ZNF385C: variants seen among roughly 807,000 people sequenced by gnomAD.
ZNF385C encodes zinc finger protein 385C.
Under a neutral mutation model 35.4 loss-of-function variants are expected in ZNF385C, and 28 were observed. The observed-to-expected ratio is 0.79, with a 90% CI of 0.59 to 1.08. The LOEUF is 1.08. ZNF385C is among the 50% of genes least tolerant of loss of function. The pLI is 0.00. For synonymous variants in ZNF385C, 248 were observed against 248.2 expected (o/e 1.00, Z 0.01); for missense variants, 605 against 595.6 (o/e 1.02, Z -0.16).
chr17:42,058,336 C>T (rs1320109301), intron 2 of ZNF385C, among the ~76,000 whole-genome samples: 5 of 152,206 alleles, frequency 3.3e-5, no homozygotes, highest in East Asian at 1.9e-4. Context: ...CGGAAAAGTG[C>T]CCCTCCTGGC....
intron 1 of ZNF385C, among the ~76,000 whole-genome samples, chr17:42,086,563 A>G (rs1555660156): frequency 6.6e-6 from 1 of 151,604 alleles, no homozygotes; most frequent in South Asian, 2.1e-4. Flanking sequence ...TTAGCCAGCC[A>G]TGGTGGCGTG....
intron 2 of ZNF385C, among the ~76,000 whole-genome samples, chr17:42,051,211 T>C (rs1460923979): frequency 6.6e-6 from 1 of 151,796 alleles, no homozygotes; most frequent in African/African-American, 2.4e-5. Flanking sequence ...CCTTCCCACC[T>C]GGTGGGAAGC....
At chr17:42,077,041 C>T (rs1386739906) in intron 1 of ZNF385C, among the ~76,000 whole-genome samples, 1 of 152,192 alleles carries the variant, frequency 6.6e-6, no homozygotes, top group Non-Finnish European at 1.5e-5. Context: ...ACTGGCCAGT[C>T]TTATCCACTG....
intron 1 of ZNF385C, among the ~76,000 whole-genome samples, chr17:42,068,526 TG>T (rs553976882): frequency 2.0e-5 from 3 of 152,116 alleles, no homozygotes; most frequent in African/African-American, 7.2e-5. Context: ...TTTTCTTTTT[TG>T]GGGGGGATAG....
At chr17:42,091,670 G>T (rs2053864353) in intron 1 of ZNF385C, among the ~76,000 whole-genome samples, 1 of 152,070 alleles carries the variant, frequency 6.6e-6, no homozygotes, top group Non-Finnish European at 1.5e-5. Context: ...ACCTCATCTT[G>T]CAGACCCAGA....
intron 1 of ZNF385C, among the ~76,000 whole-genome samples, chr17:42,072,184 T>G (rs2053634324): frequency 1.3e-5 from 2 of 152,112 alleles, no homozygotes; most frequent in Admixed American, 1.3e-4. Flanking sequence ...GATCAACTTT[T>G]GGATTCTCTA....
chr17:42,077,690 C>T (rs1301860028), intron 1 of ZNF385C, among the ~76,000 whole-genome samples: 1 of 152,206 alleles, frequency 6.6e-6, no homozygotes, highest in Non-Finnish European at 1.5e-5. Context: ...AGCTTCCCTG[C>T]TCGGCCCACA....
intron 3 of ZNF385C, among the ~76,000 whole-genome samples, chr17:42,036,956 A>T (rs1055956149): frequency 4.6e-5 from 7 of 152,230 alleles, no homozygotes; most frequent in Non-Finnish European, 1.0e-4. Context: ...ATTTAAAAAA[A>T]CAGAGATGGT....
At chr17:42,034,562 C>T (rs1335070454) in intron 3 of ZNF385C, among the ~76,000 whole-genome samples, 1 of 151,850 alleles carries the variant, frequency 6.6e-6, no homozygotes, top group East Asian at 1.9e-4. Flanking sequence ...GGCAGATCAC[C>T]TCAGGTTGGG....
rs1555658129 is a variant in ZNF385C at position 42,062,954 on chromosome 17, G to A, written c.103C>T (p.Arg35Ter). 8.6e-6 allele frequency: 6 copies of A among 694,434 alleles called. No individual in the cohort carries two copies. Among genetic ancestry groups the A allele is most frequent in the Admixed American group, 2.0e-5 (1 of 48,922 alleles). 43.0% of individuals were successfully genotyped at this position (694,434 alleles called of 1,614,324 possible). Residue 35 changes from arginine (R) to a stop codon, truncating the protein, a stop_gained, in exon 2 of 9, where the codon CGA becomes TGA. Transcript: ENST00000692273. LOFTEE classifies it high-confidence loss of function. ...GTGTACGATGGCCGCTTTCTTTCTC[G>A]CTTGGGCTTAGGTGGTTCTGGGGGC... ...PRPPEPPKPK[R>*]ERKRPSYTLC...
chr17:42,063,452 C>T (rs920182173), intron 1 of ZNF385C, among the ~76,000 whole-genome samples: 39 of 152,134 alleles, frequency 2.6e-4, no homozygotes, highest in Middle Eastern at 3.2e-3. Context: ...CACTTGAACC[C>T]GGGAGGCGGA....
chr17:42,097,010 C>A (rs1389877944), intron 1 of ZNF385C, among the ~76,000 whole-genome samples: 4 of 151,896 alleles, frequency 2.6e-5, no homozygotes, highest in Non-Finnish European at 4.4e-5. Context: ...CCACTCCCCC[C>A]TCCCCTGCTC....
intron 5 of ZNF385C, among the ~76,000 whole-genome samples, chr17:42,029,731 C>CA (rs1301438790): frequency 3.2e-4 from 48 of 150,128 alleles, no homozygotes; most frequent in African/African-American, 9.8e-4. Context: ...AACAAACAAA[C>CA]AAAAAAAACA....
chr17:42,029,949 G>A (rs1385671831), intron 5 of ZNF385C, among the ~76,000 whole-genome samples: 3 of 150,438 alleles, frequency 2.0e-5, no homozygotes, highest in Non-Finnish European at 4.4e-5. Flanking sequence ...CAGGAGAATC[G>A]CTTGAGAGCC....
At chr17:42,082,748 CATA>C (rs573865522) in intron 1 of ZNF385C, among the ~76,000 whole-genome samples, 75 of 152,258 alleles carry the variant, frequency 4.9e-4, no homozygotes, top group African/African-American at 1.8e-3. Context: ...GCCTGGGCAA[CATA>C]ATGAGACCCT....
intron 1 of ZNF385C, among the ~76,000 whole-genome samples, chr17:42,083,679 A>T (rs2053773533): frequency 8.7e-6 from 1 of 115,142 alleles, no homozygotes; most frequent in African/African-American, 3.3e-5. Context: ...TTTTACATCC[A>T]TGTAACTTTC....
rs868906355 is a variant in ZNF385C, at chr17:42,038,648, G to C, written c.251-763C>G. ...ATCCAGCCCATCTGGGGCTTTTTTC[G>C]ACCCTGTCATTGCAAAACCAAAAGT... On this transcript the variant is annotated intron_variant, in intron 2 of 8. Transcript: ENST00000692273. The C allele has an allele frequency of 1.3e-5, 2 of 151,850 alleles. 1 individual carries two copies. Among genetic ancestry groups the C allele is most frequent in the Middle Eastern group, 6.8e-3 (2 of 292 alleles). The allele number at this position is 151,850 out of a possible 1,614,324, so 9.4% of individuals were successfully genotyped here.
chr17:42,027,554 G>GGGCCCCCCCCC, intron 8 of ZNF385C, 64 bp downstream of exon 8: 3 of 556,880 alleles, frequency 5.4e-6, no homozygotes, highest in South Asian at 2.0e-5. Flanking sequence ...CCCCCATCTG[G>GGGCCCCCCCCC]CCCTCCCAGC....
At chr17:42,062,167 G>T (rs973101084) in intron 2 of ZNF385C, 1 of 152,878 alleles carries the variant, frequency 6.5e-6, no homozygotes, top group Non-Finnish European at 1.5e-5. Context: ...CAGCCTGGGT[G>T]GTTCTTACTT....
Sources: allele counts gnomAD v4.1 joint callset (sites outside exome capture counted in the v4.1 genomes callset), GRCh38; gene constraint gnomAD v4.1.1; transcripts MANE v1.5; gene names NCBI Gene and HGNC (gene_info 2026-07-23, HGNC 2026-07-21).